Variants in MPP7 observed in about 807,000 individuals in gnomAD.
MPP7 encodes MAGUK p55 subfamily member 7.
Under a neutral mutation model 76.5 loss-of-function variants are expected in MPP7, and 60 were observed. That is an observed-to-expected ratio of 0.78 (90% CI 0.64 to 0.97). The LOEUF is 0.97. MPP7 is among the 50% of genes least tolerant of loss of function. MPP7 has a pLI of 0.00. For synonymous variants in MPP7, 237 were observed against 244.5 expected (o/e 0.97, Z 0.29); for missense variants, 641 against 694.0 (o/e 0.92, Z 0.86).
chr10:28,307,959 T>C (rs3843586), upstream of MPP7, among the ~76,000 whole-genome samples: 18,138 of 152,206 alleles, frequency 0.12, 1,663 homozygotes, highest in East Asian at 0.48. Context: ...TTCTTGGGTC[T>C]TTTCTTGGGT....
chr10:28,167,238 G>A (rs1203379528), intron 3 of MPP7, among the ~76,000 whole-genome samples: 4 of 151,980 alleles, frequency 2.6e-5, no homozygotes, highest in African/African-American at 4.8e-5. Flanking sequence ...TTGAACCCAG[G>A]AGGTGGAGGT....
chr10:28,146,405 G>GTT (rs11316234), intron 5 of MPP7, among the ~76,000 whole-genome samples: 1 of 114,404 alleles, frequency 8.7e-6, no homozygotes, highest in South Asian at 2.9e-4. Flanking sequence ...TTGTTTTTTT[G>GTT]TTTTTTTTTT....
chr10:28,078,263 A>G (rs1373654354), intron 12 of MPP7, among the ~76,000 whole-genome samples: 1 of 152,220 alleles, frequency 6.6e-6, no homozygotes, highest in Non-Finnish European at 1.5e-5. Context: ...ATTATGCTCC[A>G]GGAATAGGCA....
chr10:28,099,218 A>G (rs1485687737), intron 11 of MPP7, among the ~76,000 whole-genome samples: 1 of 152,162 alleles, frequency 6.6e-6, no homozygotes, highest in Non-Finnish European at 1.5e-5. Flanking sequence ...CCTCCAAAAA[A>G]TCGCACATGT....
intron 1 of MPP7, among the ~76,000 whole-genome samples, chr10:28,244,431 C>A (rs963967546): frequency 5.3e-5 from 8 of 152,166 alleles, no homozygotes; most frequent in African/African-American, 1.9e-4. Flanking sequence ...AACAGACTTA[C>A]AACTGGCCAA....
At chr10:28,258,918 A>C (rs1839868371) in intron 1 of MPP7, among the ~76,000 whole-genome samples, 1 of 152,104 alleles carries the variant, frequency 6.6e-6, no homozygotes, top group Non-Finnish European at 1.5e-5. Flanking sequence ...GAAAACACCA[A>C]GTTATTACTG....
chr10:28,096,731 T>A (rs985347407), intron 11 of MPP7, among the ~76,000 whole-genome samples: 6 of 152,194 alleles, frequency 3.9e-5, no homozygotes, highest in African/African-American at 1.4e-4. Context: ...TGTTAAAAAG[T>A]GGGTTGCACA....
intron 2 of MPP7, among the ~76,000 whole-genome samples, chr10:28,308,438 G>T (rs1322265294): frequency 6.6e-6 from 1 of 152,188 alleles, no homozygotes; most frequent in Non-Finnish European, 1.5e-5. Context: ...TCTCAAAGAA[G>T]CAGGAGTAAC....
intron 1 of MPP7, among the ~76,000 whole-genome samples, chr10:28,330,382 A>G (rs1394839565): frequency 6.6e-6 from 1 of 152,178 alleles, no homozygotes; most frequent in East Asian, 1.9e-4. Context: ...CTCAAATAGT[A>G]CACTGTGATC....
chr10:28,225,293 G>C (rs1777030226), intron 2 of MPP7, among the ~76,000 whole-genome samples: 1 of 151,934 alleles, frequency 6.6e-6, no homozygotes, highest in Non-Finnish European at 1.5e-5. Context: ...GTCACCAAAA[G>C]CATCAACAAC....
At chr10:28,139,897 G>C (rs1835458446) in intron 5 of MPP7, among the ~76,000 whole-genome samples, 1 of 152,022 alleles carries the variant, frequency 6.6e-6, no homozygotes, top group Non-Finnish European at 1.5e-5. Flanking sequence ...AAACTAGCAA[G>C]CAAACATTTT....
At chr10:28,170,055 T>G (rs1345088283) in intron 3 of MPP7, among the ~76,000 whole-genome samples, 1 of 152,154 alleles carries the variant, frequency 6.6e-6, no homozygotes, top group East Asian at 1.9e-4. Flanking sequence ...TACTATAGAT[T>G]TCAGTAGATA....
intron 3 of MPP7, among the ~76,000 whole-genome samples, chr10:28,161,115 T>C (rs1588867110): frequency 6.6e-6 from 1 of 152,320 alleles, no homozygotes; most frequent in East Asian, 1.9e-4. Context: ...AGTGCTGCTA[T>C]TATCATCTTC....
At chr10:28,215,478 T>C (rs1037616209) in intron 2 of MPP7, among the ~76,000 whole-genome samples, 17 of 151,966 alleles carry the variant, frequency 1.1e-4, no homozygotes, top group African/African-American at 3.9e-4. Context: ...AGGAAAAGTA[T>C]AAGAGAGAGA....
intron 1 of MPP7, among the ~76,000 whole-genome samples, chr10:28,281,612 A>ATATAG (rs1840674657): frequency 6.6e-6 from 1 of 152,092 alleles, no homozygotes; most frequent in South Asian, 2.1e-4. Flanking sequence ...TACCAACAAT[A>ATATAG]CTGTTAATTA....
At chr10:28,214,542 G>C (rs1838246737) in intron 2 of MPP7, among the ~76,000 whole-genome samples, 1 of 151,480 alleles carries the variant, frequency 6.6e-6, no homozygotes, top group Non-Finnish European at 1.5e-5. Flanking sequence ...CAAACACCGA[G>C]TGCTTACTAT....
intron 12 of MPP7, among the ~76,000 whole-genome samples, chr10:28,088,463 T>C (rs980582467): frequency 5.3e-5 from 8 of 152,062 alleles, no homozygotes; most frequent in South Asian, 2.1e-4. Flanking sequence ...ACTCTCTCTC[T>C]CCCCTGCTGC....
chr10:28,093,377 C>T (rs1418912632), intron 11 of MPP7, among the ~76,000 whole-genome samples: 1 of 151,732 alleles, frequency 6.6e-6, no homozygotes, highest in Non-Finnish European at 1.5e-5. Flanking sequence ...CAAATCACAG[C>T]TAAATCTTGA....
chr10:28,243,089 T>C (rs977528313), intron 1 of MPP7, among the ~76,000 whole-genome samples: 8 of 152,176 alleles, frequency 5.3e-5, no homozygotes, highest in African/African-American at 1.9e-4. Flanking sequence ...TTTTTTTTTT[T>C]AACTTAAAAG....
Sources: allele counts gnomAD v4.1 joint callset (sites outside exome capture counted in the v4.1 genomes callset), GRCh38; gene constraint gnomAD v4.1.1; transcripts MANE v1.5; gene names NCBI Gene and HGNC (gene_info 2026-07-23, HGNC 2026-07-21).